The following MEOX2 variants were observed in gnomAD, a reference collection of about 807,000 sequenced individuals.
The protein encoded by MEOX2 is homeobox protein MOX-2.
A neutral mutation model predicts 27.0 loss-of-function variants in MEOX2; 11 were observed. That is an observed-to-expected ratio of 0.41 (90% CI 0.26 to 0.68). The LOEUF is 0.68. Among genes scored for constraint, MEOX2 ranks in the 30% least tolerant of loss-of-function variants. MEOX2 has a pLI of 0.33. For synonymous variants in MEOX2, 189 were observed against 155.4 expected (o/e 1.22, Z -1.61); for missense variants, 436 against 385.4 (o/e 1.13, Z -1.10).
intron 1 of MEOX2, among the ~76,000 whole-genome samples, chr7:15,635,483 T>C (rs1425000600): frequency 6.6e-6 from 1 of 151,996 alleles, no homozygotes; most frequent in African/African-American, 2.4e-5. Context: ...TCCCCTGTGC[T>C]CATCTTTAAC....
At chr7:15,614,398 A>G (rs562002681) in intron 2 of MEOX2, among the ~76,000 whole-genome samples, 3 of 146,054 alleles carry the variant, frequency 2.1e-5, no homozygotes, top group Admixed American at 7.0e-5. Context: ...TGGGCAACAG[A>G]GCAAGATCCT....
chr7:15,675,658 T>A (rs768669747), intron 1 of MEOX2, among the ~76,000 whole-genome samples: 5 of 152,304 alleles, frequency 3.3e-5, no homozygotes, highest in Non-Finnish European at 7.4e-5. Flanking sequence ...TTGAGGCTCT[T>A]CTAGTGTCTT....
intron 1 of MEOX2, among the ~76,000 whole-genome samples, chr7:15,685,290 A>G (rs1279599131): frequency 6.6e-6 from 1 of 152,210 alleles, no homozygotes; most frequent in Non-Finnish European, 1.5e-5. Flanking sequence ...TTCTTCCCCA[A>G]TAAAGGGAAA....
intron 1 of MEOX2, among the ~76,000 whole-genome samples, chr7:15,643,493 G>C (rs192989472): frequency 1.3e-5 from 2 of 152,272 alleles, no homozygotes; most frequent in Middle Eastern, 3.4e-3. Context: ...GAACAGGGGT[G>C]GGGGAGGGGG....
intron 1 of MEOX2, among the ~76,000 whole-genome samples, chr7:15,646,921 A>G (rs1295629266): frequency 6.6e-6 from 1 of 151,980 alleles, no homozygotes. Context: ...GTCAAAATAT[A>G]TTTGCTACAT....
intron 1 of MEOX2, among the ~76,000 whole-genome samples, chr7:15,654,224 A>C (rs1306623986): frequency 6.6e-6 from 1 of 151,962 alleles, no homozygotes; most frequent in Non-Finnish European, 1.5e-5. Flanking sequence ...TAACAGAAAT[A>C]AAATTATGTA....
intron 1 of MEOX2, among the ~76,000 whole-genome samples, chr7:15,658,473 G>T (rs1028102162): frequency 1.3e-5 from 2 of 152,168 alleles, no homozygotes; most frequent in Admixed American, 6.5e-5. Context: ...GACATTTTTT[G>T]TGTGTATATA....
At chr7:15,685,298 A>G (rs1782360213) in intron 1 of MEOX2, among the ~76,000 whole-genome samples, 1 of 152,234 alleles carries the variant, frequency 6.6e-6, no homozygotes, top group African/African-American at 2.4e-5. Context: ...CAATAAAGGG[A>G]AAATTTTACC....
chr7:15,618,721 T>C (rs1222059418), intron 2 of MEOX2, among the ~76,000 whole-genome samples: 1 of 151,874 alleles, frequency 6.6e-6, no homozygotes, highest in Admixed American at 6.6e-5. Context: ...TTTATGATTG[T>C]TTAAATTCTT....
Position 15,686,070 on chromosome 7 carries a change from C to A in MEOX2, c.333G>T (p.Gln111His), listed in dbSNP as rs1432528551. 1.9e-6 allele frequency: 3 copies of A among 1,596,760 alleles called. No individual in the cohort carries two copies. Among genetic ancestry groups the A allele is most frequent in the African/African-American group, 2.7e-5 (2 of 74,412 alleles). Residue 111 changes from glutamine (Q) to histidine (H), a missense_variant, in exon 1 of 3, where the codon CAG (glutamine) becomes CAT (histidine). Transcript: ENST00000262041. ...ACTCTGGGGGCCCTCCAGAGTCGGG[C>A]TGGAGGCAGAGGCTGTGCCGAGCCG... ...PSAARHSLCL[Q>H]PDSGGPPELG...
chr7:15,644,676 C>A (rs1366322646), intron 1 of MEOX2, among the ~76,000 whole-genome samples: 4 of 152,170 alleles, frequency 2.6e-5, no homozygotes, highest in Non-Finnish European at 5.9e-5. Flanking sequence ...AGAATGCAAA[C>A]CCGGCCTTGA....
chr7:15,638,125 T>C lies in MEOX2; in HGVS notation c.518-11207A>G, dbSNP rs114567015. ...GAACTTAGTAAAAAGATGATTTTTA[T>C]TTTCTAGCTCTTTCCACCCCTGTGT... On this transcript the variant is annotated intron_variant, in intron 1 of 2. Coordinates refer to ENST00000262041, the MANE Select transcript of MEOX2 (RefSeq NM_005924.5). Among the ~76,000 whole-genome samples, 1,109 of 152,204 alleles carry C rather than the reference T, an allele frequency of 7.3e-3. 9 individuals are homozygous for C. Among genetic ancestry groups the C allele is most frequent in the African/African-American group, 0.025 (1,052 of 41,568 alleles).
At chr7:15,663,106 C>T (rs1562610330) in intron 1 of MEOX2, among the ~76,000 whole-genome samples, 1 of 152,172 alleles carries the variant, frequency 6.6e-6, no homozygotes, top group South Asian at 2.1e-4. Context: ...AGCGTCCCTA[C>T]TGAAGTTCCC....
At chr7:15,641,006 T>A (rs1024315151) in intron 1 of MEOX2, among the ~76,000 whole-genome samples, 1 of 152,154 alleles carries the variant, frequency 6.6e-6, no homozygotes, top group Non-Finnish European at 1.5e-5. Flanking sequence ...GTTGTTGTTG[T>A]GGGTTTGCCA....
intron 1 of MEOX2, among the ~76,000 whole-genome samples, chr7:15,667,653 T>C (rs768148430): frequency 5.3e-5 from 8 of 152,142 alleles, no homozygotes; most frequent in Non-Finnish European, 1.0e-4. Context: ...TTGAAATGAA[T>C]AACCATTTAT....
At chr7:15,679,330 T>C (rs1371398373) in intron 1 of MEOX2, 1 of 152,080 alleles carries the variant, frequency 6.6e-6, no homozygotes, top group Non-Finnish European at 1.5e-5. Flanking sequence ...CTTGCCATTG[T>C]CCTCTCTACT....
At chr7:15,632,661 C>T (rs1012818123) in intron 1 of MEOX2, among the ~76,000 whole-genome samples, 4 of 151,990 alleles carry the variant, frequency 2.6e-5, no homozygotes, top group African/African-American at 9.6e-5. Flanking sequence ...AATTTACTTG[C>T]GTCAAATTTG....
rs903273703 is a variant in MEOX2, at chr7:15,686,178, G to A, written c.225C>T (p.His75=). Residue 75 remains histidine (H), a synonymous_variant, in exon 1 of 3, where the codon CAC becomes CAT. Coordinates refer to ENST00000262041, the MANE Select transcript of MEOX2 (RefSeq NM_005924.5). ...HRGHHHHHHH[H]HHHHHQQQQH... ...GCTGCTGCTGATGGTGGTGATGGTG[G>A]TGGTGGTGGTGGTGGTGGTGGTGCC... 6.0e-6 allele frequency: 5 copies of A among 826,480 alleles called. No homozygotes were observed. Among genetic ancestry groups the A allele is most frequent in the South Asian group, 1.8e-5 (1 of 56,128 alleles). The allele number at this position is 826,480 out of a possible 1,614,324, so 51.2% of individuals were successfully genotyped here. A position where few individuals can be genotyped will look rare whatever the true frequency, so the allele number is the denominator to read the frequency against.
At chr7:15,613,734 A>G (rs1254095753) in intron 2 of MEOX2, among the ~76,000 whole-genome samples, 1 of 152,130 alleles carries the variant, frequency 6.6e-6, no homozygotes, top group South Asian at 2.1e-4. Context: ...TTTTTGCCAC[A>G]TCTTTGTTGA....
Sources: allele counts gnomAD v4.1 joint callset (sites outside exome capture counted in the v4.1 genomes callset), GRCh38; gene constraint gnomAD v4.1.1; transcripts MANE v1.5; gene names NCBI Gene and HGNC (gene_info 2026-07-23, HGNC 2026-07-21).